Variants in NSMCE1 observed in about 807,000 individuals in gnomAD.
The protein encoded by NSMCE1 is non-structural maintenance of chromosomes element 1 homolog.
In NSMCE1, 18 loss-of-function variants were observed where a neutral mutation model predicts 29.6. That is an observed-to-expected ratio of 0.61 (90% CI 0.42 to 0.90). NSMCE1 has a LOEUF of 0.90. NSMCE1 is among the 40% of genes least tolerant of loss of function. The pLI, the probability that NSMCE1 is intolerant of heterozygous loss-of-function variation, is 0.00. For missense variants in NSMCE1, 314 were observed against 343.6 expected (o/e 0.91, Z 0.68); for synonymous variants, 124 against 133.4 (o/e 0.93, Z 0.49).
At chr16:27,263,532 G>A (rs1415920036) in intron 1 of NSMCE1, among the ~76,000 whole-genome samples, 2 of 152,132 alleles carry the variant, frequency 1.3e-5, no homozygotes, top group Non-Finnish European at 2.9e-5. Context: ...AACAGACACT[G>A]GGGTCTATTT....
intron 2 of NSMCE1, among the ~76,000 whole-genome samples, chr16:27,245,312 T>C (rs1430711429): frequency 6.6e-6 from 1 of 152,280 alleles, no homozygotes; most frequent in Non-Finnish European, 1.5e-5. Flanking sequence ...GGCTTCCCTG[T>C]TCCAGCCAGC....
chr16:27,247,213 T>C (rs897575057), intron 2 of NSMCE1, among the ~76,000 whole-genome samples: 7 of 152,200 alleles, frequency 4.6e-5, no homozygotes, highest in African/African-American at 1.4e-4. Flanking sequence ...TGGGAGGGAA[T>C]TGAATCATGG....
intron 2 of NSMCE1, among the ~76,000 whole-genome samples, chr16:27,251,208 A>ATATATATAT (rs397971855): frequency 1.8e-5 from 2 of 113,668 alleles, no homozygotes; most frequent in African/African-American, 3.5e-5. Flanking sequence ...ATATATATAT[A>ATATATATAT]AAACTCTGTA....
chr16:27,233,279 T>A (rs557239203), intron 4 of NSMCE1, 132 bp from the exon 5 acceptor site: 1 of 710,296 alleles, frequency 1.4e-6, no homozygotes, highest in Admixed American at 2.9e-5. Context: ...TGGCATGGTA[T>A]TCCGGGAAAA....
At chr16:27,252,884 A>C (rs1329653100) in intron 2 of NSMCE1, among the ~76,000 whole-genome samples, 1 of 152,174 alleles carries the variant, frequency 6.6e-6, no homozygotes, top group Admixed American at 6.5e-5. Context: ...TTGCCATTGC[A>C]CTCCAGCCTG....
chr16:27,249,624 A>G (rs2084000641), intron 2 of NSMCE1, among the ~76,000 whole-genome samples: 1 of 152,068 alleles, frequency 6.6e-6, no homozygotes, highest in African/African-American at 2.4e-5. Flanking sequence ...TTTTCCCTTC[A>G]TCTGTTTGTC....
chr16:27,243,904 G>A (rs2083921652), intron 2 of NSMCE1, among the ~76,000 whole-genome samples: 1 of 152,206 alleles, frequency 6.6e-6, no homozygotes, highest in African/African-American at 2.4e-5. Flanking sequence ...TCCCGCCTCA[G>A]CCTCCCAAGT....
chr16:27,265,641 G>A (rs2084215752), intron 1 of NSMCE1, among the ~76,000 whole-genome samples: 1 of 152,106 alleles, frequency 6.6e-6, no homozygotes, highest in Non-Finnish European at 1.5e-5. Context: ...CAGTATAAAT[G>A]CCTACCAACT....
At chr16:27,239,969 C>T (rs1465682400) in intron 2 of NSMCE1, among the ~76,000 whole-genome samples, 1 of 150,442 alleles carries the variant, frequency 6.6e-6, no homozygotes, top group Admixed American at 6.6e-5. Context: ...CAGCACTATG[C>T]ATTCACATGG....
intron 2 of NSMCE1, among the ~76,000 whole-genome samples, chr16:27,245,853 T>C (rs1305082715): frequency 6.6e-6 from 1 of 152,220 alleles, no homozygotes; most frequent in Non-Finnish European, 1.5e-5. Context: ...AGGGGAGATC[T>C]ATAAATGAAA....
intron 6 of NSMCE1, chr16:27,226,248 C>T (rs1295628854): frequency 4.7e-6 from 1 of 211,022 alleles, no homozygotes. Flanking sequence ...CCCAAGGATA[C>T]AGGTGTACGA....
intron 2 of NSMCE1, among the ~76,000 whole-genome samples, chr16:27,238,914 G>T (rs974892716): frequency 1.0e-4 from 15 of 150,266 alleles, no homozygotes; most frequent in African/African-American, 3.7e-4. Context: ...CCATTGCCCA[G>T]GCTGGAGTGC....
chr16:27,226,581 C>T (rs2083695502), intron 6 of NSMCE1, 139 bp downstream of exon 6: 2 of 614,818 alleles, frequency 3.3e-6, no homozygotes, highest in African/African-American at 1.8e-5. Context: ...TGGGAGATGG[C>T]CTCCGCCAGC....
chr16:27,249,989 T>TCTATGG (rs2084006059), intron 2 of NSMCE1, among the ~76,000 whole-genome samples: 1 of 152,228 alleles, frequency 6.6e-6, no homozygotes, highest in African/African-American at 2.4e-5. Flanking sequence ...TTTTGCCAGA[T>TCTATGG]CTATTCCTAA....
intron 5 of NSMCE1, among the ~76,000 whole-genome samples, chr16:27,229,547 C>T (rs2083741060): frequency 6.6e-6 from 1 of 152,220 alleles, no homozygotes; most frequent in African/African-American, 2.4e-5. Context: ...CAAGTTCAAG[C>T]TCAGACTGAG....
chr16:27,229,011 T>C (rs1363637510), intron 5 of NSMCE1, among the ~76,000 whole-genome samples: 1 of 152,022 alleles, frequency 6.6e-6, no homozygotes, highest in East Asian at 1.9e-4. Flanking sequence ...CGAACAAGCC[T>C]GGCCCTGTCA....
intron 5 of NSMCE1, among the ~76,000 whole-genome samples, chr16:27,228,484 G>A (rs1473709999): frequency 2.1e-5 from 3 of 145,026 alleles, no homozygotes; most frequent in African/African-American, 5.2e-5. Context: ...CCTGGCCACC[G>A]CCCTCTTCCA....
At chr16:27,264,199 A>G (rs2084193994) in intron 1 of NSMCE1, among the ~76,000 whole-genome samples, 1 of 152,090 alleles carries the variant, frequency 6.6e-6, no homozygotes, top group Non-Finnish European at 1.5e-5. Context: ...CCTTGTCTCT[A>G]CTAAAAACAA....
intron 3 of NSMCE1, among the ~76,000 whole-genome samples, chr16:27,234,653 T>C (rs1011160210): frequency 2.6e-5 from 4 of 152,232 alleles, no homozygotes; most frequent in Non-Finnish European, 4.4e-5. Flanking sequence ...ATGTTTTTTT[T>C]CCAGGGAATT....
Sources: gnomAD v4.1 joint callset for allele counts (sites outside exome capture counted in the v4.1 genomes callset) on GRCh38, gnomAD v4.1.1 for gene constraint, MANE v1.5 for transcripts, NCBI Gene and HGNC (gene_info 2026-07-23, HGNC 2026-07-21) for gene names.